The following MGAM2 variants were observed in gnomAD, a reference collection of about 807,000 sequenced individuals.
MGAM2 encodes maltase-glucoamylase 2 (putative).
In MGAM2, 98 loss-of-function variants were observed where a neutral mutation model predicts 96.1. The ratio of observed to expected loss-of-function variants is 1.02; its 90% CI spans 0.87 to 1.21. The LOEUF is 1.21. Ranked by LOEUF, MGAM2 falls within the 50% of genes most tolerant of loss-of-function variation. The probability of loss-of-function intolerance (pLI) is 0.00; values close to 1 mark genes in which losing one functional copy is unlikely to be tolerated. For synonymous variants in MGAM2, 749 were observed against 414.8 expected, an observed-to-expected ratio of 1.81 and a Z score of -9.79; for missense variants, 2,055 against 1,182.4, an observed-to-expected ratio of 1.74 and a Z score of -10.82.
Position 142,187,812 on chromosome 7 carries a change from A to G in MGAM2, c.4185A>G (p.Leu1395=). The G allele has an allele frequency of 1.4e-6, 1 of 702,780 alleles. No homozygotes were observed. Among genetic ancestry groups the G allele is most frequent in the Non-Finnish European group, 2.6e-6 (1 of 384,838 alleles). 43.5% of individuals were successfully genotyped at this position (702,780 alleles called of 1,614,324 possible). A position where few individuals can be genotyped will look rare whatever the true frequency, so the allele number is the denominator to read the frequency against. ...GSVRGCSNEM[L]NNPPYMPYLE... is the part of the protein sequence containing the mutation. Reference sequence around the variant, plus strand: ...TCAGGGGCTGCAGCAATGAAATGCTAAATAACCCACCCTATATGCCATGTA... The same window carrying G: ...TCAGGGGCTGCAGCAATGAAATGCTGAATAACCCACCCTATATGCCATGTA... Residue 1395 remains leucine, a synonymous_variant, in exon 36 of 48, where the codon CTA becomes CTG. Transcript: ENST00000477922.
Position 142,186,009 on chromosome 7 carries a change from C to T in MGAM2, c.4008C>T (p.Ala1336=), listed in dbSNP as rs1434317685. 5.7e-6 allele frequency: 4 copies of T among 703,586 alleles called. No individual in the cohort carries two copies. The highest frequency in any genetic ancestry group is 1.0e-5 in the Non-Finnish European group (4 of 385,048). The allele number at this position is 703,586 out of a possible 1,614,324, so 43.6% of individuals were successfully genotyped here. A position where few individuals can be genotyped will look rare whatever the true frequency, so the allele number is the denominator to read the frequency against. ...TQVKLYRAYV[A]FPDFFRNSTA... ...TACAGCTTTACAGGGCCTACGTTGC[C>T]TTTCCTGACTTCTTTCGTAATAGCA... Residue 1336 remains alanine, a synonymous_variant, in exon 35 of 48, where the codon GCC becomes GCT. Coordinates refer to ENST00000477922, the MANE Select transcript of MGAM2 (RefSeq NM_001293626.2).
intron 7 of MGAM2, among the ~76,000 whole-genome samples, chr7:142,136,297 T>G (rs1173247559): frequency 6.6e-6 from 1 of 152,226 alleles, no homozygotes; most frequent in Non-Finnish European, 1.5e-5. Flanking sequence ...CAAGGTTTAT[T>G]TATATTGCAG....
At chr7:142,147,178 G>T (rs774619215) in intron 14 of MGAM2, among the ~76,000 whole-genome samples, 3 of 152,144 alleles carry the variant, frequency 2.0e-5, no homozygotes, top group Non-Finnish European at 2.9e-5. Context: ...GATCCACTGC[G>T]TTTGCTCTGA....
At chr7:142,170,290 A>T in intron 27 of MGAM2, 61 bp downstream of exon 27, 1 of 619,604 alleles carries the variant, frequency 1.6e-6, no homozygotes, top group Non-Finnish European at 2.9e-6. Context: ...AGCAGTTACA[A>T]TTAATTCAAG....
chr7:142,169,522 C>T (rs1439383212), intron 26 of MGAM2, among the ~76,000 whole-genome samples: 2 of 152,122 alleles, frequency 1.3e-5, no homozygotes, highest in African/African-American at 2.4e-5. Context: ...TGTTGTAACT[C>T]CTTGTCCTTC....
intron 23 of MGAM2, among the ~76,000 whole-genome samples, chr7:142,162,856 G>T (rs1795928641): frequency 1.3e-5 from 2 of 151,532 alleles, no homozygotes; most frequent in Admixed American, 6.6e-5. Flanking sequence ...CAAGCAGAAT[G>T]CCGGCATTGA....
chr7:142,182,414 A>G (rs1796571417), intron 32 of MGAM2, among the ~76,000 whole-genome samples: 1 of 152,154 alleles, frequency 6.6e-6, no homozygotes, highest in Non-Finnish European at 1.5e-5. Context: ...CTTGTTCTGT[A>G]GGAAAGACAA....
At chr7:142,132,830 T>C (rs1448384190) in intron 6 of MGAM2, among the ~76,000 whole-genome samples, 1 of 128,202 alleles carries the variant, frequency 7.8e-6, no homozygotes, top group Non-Finnish European at 1.5e-5. Flanking sequence ...TAATTATAAG[T>C]AATATAATTA....
chr7:142,176,020 A>G (rs553389108), intron 32 of MGAM2, among the ~76,000 whole-genome samples: 1 of 151,932 alleles, frequency 6.6e-6, no homozygotes, highest in African/African-American at 2.4e-5. Context: ...TTTATTTTCC[A>G]TAACTGTCAC....
chr7:142,171,317 C>T lies in MGAM2; in HGVS notation c.3228C>T (p.Leu1076=), dbSNP rs1372277534. The change falls in exon 28 of 48, where the codon CTC becomes CTT. Residue 1076 remains leucine, a synonymous_variant. Transcript: ENST00000477922. ...LPGFIFNDMF[L]SISTRLPSQY... is the part of the protein sequence containing the mutation. ...GCTTCATCTTCAATGACATGTTTCT[C>T]TCCATTTCTACGCGTCTGCCGTCCC... The T allele has an allele frequency of 1.4e-6, 1 of 702,916 alleles. No homozygotes were observed. The highest frequency in any genetic ancestry group is 2.6e-6 in the Non-Finnish European group (1 of 384,830). 43.5% of individuals were successfully genotyped at this position (702,916 alleles called of 1,614,324 possible). A position where few individuals can be genotyped will look rare whatever the true frequency, so the allele number is the denominator to read the frequency against.
chr7:142,157,194 G>A (rs1255379360), intron 17 of MGAM2, among the ~76,000 whole-genome samples: 1 of 151,894 alleles, frequency 6.6e-6, no homozygotes, highest in African/African-American at 2.4e-5. Context: ...AGGCAATGTG[G>A]CTTATAAGGC....
At chr7:142,194,696 ATG>A (rs72262078) in intron 37 of MGAM2, among the ~76,000 whole-genome samples, 35,180 of 138,184 alleles carry the variant, frequency 0.25, 4,351 homozygotes, top group Middle Eastern at 0.34. Context: ...ACATGTGTGT[ATG>A]TGTGTGTGTG....
intron 10 of MGAM2, among the ~76,000 whole-genome samples, 151 bp downstream of exon 10, chr7:142,138,818 A>G (rs1279101733): frequency 6.6e-6 from 1 of 152,214 alleles, no homozygotes; most frequent in East Asian, 1.9e-4. Flanking sequence ...TAAGTTATGT[A>G]TCTGAGCATG....
At chr7:142,165,062 GCC>G in intron 24 of MGAM2, 39 bp downstream of exon 24, 1 of 645,012 alleles carries the variant, frequency 1.6e-6, no homozygotes, top group Non-Finnish European at 2.8e-6. Flanking sequence ...CTTTCCAGAG[GCC>G]TTGGCTCTGA....
At position 142,167,442 on chromosome 7, in the gene MGAM2, C is replaced by T. The variant is rs1585180977; in HGVS notation, c.2983C>T (p.His995Tyr). The T allele has an allele frequency of 1.4e-6, 1 of 703,062 alleles. No homozygotes were observed. The highest frequency in any genetic ancestry group is 2.6e-6 in the Non-Finnish European group (1 of 385,000). 43.6% of individuals were successfully genotyped at this position (703,062 alleles called of 1,614,324 possible). A position where few individuals can be genotyped will look rare whatever the true frequency, so the allele number is the denominator to read the frequency against. The change falls in exon 26 of 48, where the codon CAC (histidine) becomes TAC (tyrosine). Residue 995 changes from histidine to tyrosine, a missense_variant. His to Tyr is a moderately conservative substitution (Grantham distance 83, BLOSUM62 2). Coordinates refer to ENST00000477922, the MANE Select transcript of MGAM2 (RefSeq NM_001293626.2). ...DSLSAKISFL[H>Y]LKVIYHTATM... ...TCTCTCTGCAAAGATCAGCTTCCTC[C>T]ACCTGAAAGTGATCTATCACACAGC...
At chr7:142,214,514 A>C (rs1797687473) in intron 46 of MGAM2, among the ~76,000 whole-genome samples, 2 of 152,176 alleles carry the variant, frequency 1.3e-5, no homozygotes, top group Non-Finnish European at 2.9e-5. Context: ...TACACCAATA[A>C]TAGACAGCCA....
In MGAM2 at chr7:142,158,035, C is replaced by T; in HGVS notation, c.2022C>T (p.Thr674=). 1.4e-6 allele frequency: 1 copy of T among 702,972 alleles called. No homozygotes were observed. Among genetic ancestry groups the T allele is most frequent in the Non-Finnish European group, 2.6e-6 (1 of 384,986 alleles). The allele number at this position is 702,972 out of a possible 1,614,324, so 43.5% of individuals were successfully genotyped here. ...ACACCTTGCTGCCCTATCTCTATAC[C>T]CTTTTCTACCATGCTCACACCCGGG... ...IRYTLLPYLY[T]LFYHAHTRGE... The change falls in exon 18 of 48, where the codon ACC becomes ACT. Residue 674 remains threonine (T), a synonymous_variant. Coordinates refer to ENST00000477922, the MANE Select transcript of MGAM2 (RefSeq NM_001293626.2).
chr7:142,207,400 A>ACATTTATT (rs1027166529), intron 45 of MGAM2, among the ~76,000 whole-genome samples: 5 of 151,328 alleles, frequency 3.3e-5, no homozygotes, highest in African/African-American at 1.2e-4. Context: ...AGTAAAGGCT[A>ACATTTATT]CATTTATTTA....
chr7:142,192,956 G>A (rs1796917845), intron 37 of MGAM2, among the ~76,000 whole-genome samples: 1 of 152,134 alleles, frequency 6.6e-6, no homozygotes, highest in African/African-American at 2.4e-5. Context: ...GAATCCACAA[G>A]TACTTGGCAT....
Sources: allele counts gnomAD v4.1 joint callset (sites outside exome capture counted in the v4.1 genomes callset), GRCh38; gene constraint gnomAD v4.1.1; transcripts MANE v1.5; gene names NCBI Gene and HGNC (gene_info 2026-07-23, HGNC 2026-07-21).